CSPP1: variants seen among roughly 807,000 people sequenced by gnomAD.
CSPP1 encodes the protein centrosome and spindle pole associated protein 1.
Under a neutral mutation model 164.4 loss-of-function variants are expected in CSPP1, and 126 were observed. The ratio of observed to expected loss-of-function variants is 0.77; its 90% CI spans 0.66 to 0.89. CSPP1 has a LOEUF of 0.89. Ranked by LOEUF, CSPP1 falls within the 40% of genes least tolerant of loss-of-function variation. The pLI, the probability that CSPP1 is intolerant of heterozygous loss-of-function variation, is 0.00. For synonymous variants in CSPP1, 472 were observed against 476.7 expected, an observed-to-expected ratio of 0.99 and a Z score of 0.13; for missense variants, 1,395 against 1,449.8, an observed-to-expected ratio of 0.96 and a Z score of 0.61.
At chr8:67,185,112 A>AAC (rs1563782326) in intron 28 of CSPP1, among the ~76,000 whole-genome samples, 12 of 150,946 alleles carry the variant, frequency 7.9e-5, no homozygotes, top group African/African-American at 3.0e-4. Flanking sequence ...CTCAAAAAAA[A>AAC]AAAAACAAAA....
At chr8:67,184,744 T>TATAATAATAATA (rs377423199) in intron 28 of CSPP1, among the ~76,000 whole-genome samples, 4,990 of 142,470 alleles carry the variant, frequency 0.035, 109 homozygotes, top group African/African-American at 0.057. Flanking sequence ...AATAAAAAAA[T>TATAATAATAATA]ATAATAATAA....
At chr8:67,131,625 G>A (rs886106910) in intron 15 of CSPP1, among the ~76,000 whole-genome samples, 2 of 152,148 alleles carry the variant, frequency 1.3e-5, no homozygotes, top group Non-Finnish European at 2.9e-5. Context: ...GACTTTGGCT[G>A]TGTTATTATT....
At position 67,095,500 on chromosome 8, in the gene CSPP1, AT is replaced by A. The variant is rs1345606156; in HGVS notation, c.693del (p.Ile232LeufsTer13). 1 of 1,613,674 alleles carries A rather than the reference AT, an allele frequency of 6.2e-7. No individual in the cohort carries two copies. The highest frequency in any genetic ancestry group is 1.1e-5 in the South Asian group (1 of 91,062). ...DDEIELRNRR[I>X]IKKANEEVGI... ...TGAAATCGAATTAAGGAATAGAAGA[AT>A]TATTAAAAAAGCAAATGAAGAAGTG... On this transcript the variant is annotated frameshift_variant, in exon 7 of 31. Coordinates refer to ENST00000678616, the MANE Select transcript of CSPP1 (RefSeq NM_001382391.1). LOFTEE classifies it high-confidence loss of function.
chr8:67,128,183 T>C (rs1257398618), intron 15 of CSPP1, among the ~76,000 whole-genome samples: 1 of 152,132 alleles, frequency 6.6e-6, no homozygotes, highest in African/African-American at 2.4e-5. Flanking sequence ...ACAACCAAAA[T>C]AGAATTGGGA....
intron 2 of CSPP1, among the ~76,000 whole-genome samples, chr8:67,075,409 G>A (rs1807712670): frequency 6.6e-6 from 1 of 152,130 alleles, no homozygotes; most frequent in Non-Finnish European, 1.5e-5. Context: ...AGGTACCTTG[G>A]CTGAGATGAT....
At chr8:67,113,884 T>A (rs1035555166) in intron 11 of CSPP1, 22 bp downstream of exon 11, 20 of 1,458,512 alleles carry the variant, frequency 1.4e-5, no homozygotes, top group Non-Finnish European at 1.8e-5. Flanking sequence ...TGGCATCTTT[T>A]AATGTTTAAT....
chr8:67,149,886 A>G lies in CSPP1; in HGVS notation c.2079A>G (p.Leu693=), dbSNP rs765778504. 5 of 1,604,254 alleles carry G rather than the reference A, an allele frequency of 3.1e-6. No homozygotes were observed. Among genetic ancestry groups the G allele is most frequent in the Admixed American group, 1.7e-5 (1 of 58,670 alleles). The change falls in exon 18 of 31, where the codon TTA becomes TTG. Residue 693 remains leucine, a synonymous_variant. Coordinates refer to ENST00000678616, the MANE Select transcript of CSPP1 (RefSeq NM_001382391.1). ...KRAVVSLDPN[L]ATSNAENLED... is the part of the protein sequence containing the mutation. ...CTGTTGTATCTCTAGACCCAAATTTAGCCACTTCAAATGCTGAGAACCTAG... is the reference window on the plus strand; with the variant it reads ...CTGTTGTATCTCTAGACCCAAATTTGGCCACTTCAAATGCTGAGAACCTAG...
At chr8:67,107,775 T>A (rs775836169) in intron 9 of CSPP1, among the ~76,000 whole-genome samples, 3 of 152,178 alleles carry the variant, frequency 2.0e-5, no homozygotes. Context: ...GTGAGATCAT[T>A]GATTTAGTTT....
intron 15 of CSPP1, among the ~76,000 whole-genome samples, chr8:67,127,998 T>G (rs1174984812): frequency 6.6e-6 from 1 of 152,182 alleles, no homozygotes; most frequent in African/African-American, 2.4e-5. Context: ...TCCATTGACT[T>G]TATTAATTTA....
chr8:67,159,949 C>T (rs1448931402), intron 21 of CSPP1, among the ~76,000 whole-genome samples: 833 of 36,302 alleles, frequency 0.023, 18 homozygotes, highest in East Asian at 0.047. Context: ...TTCCTTCCTT[C>T]CTTCCTTCTT....
At chr8:67,113,953 A>G in intron 11 of CSPP1, 91 bp downstream of exon 11, 1 of 728,866 alleles carries the variant, frequency 1.4e-6, no homozygotes, top group Non-Finnish European at 2.4e-6. Context: ...ATTGGGAGAA[A>G]AAGAGAGTAG....
intron 17 of CSPP1, among the ~76,000 whole-genome samples, chr8:67,146,106 A>G (rs1237721773): frequency 1.3e-5 from 2 of 151,274 alleles, no homozygotes; most frequent in Non-Finnish European, 2.9e-5. Context: ...TCTGTTTTGT[A>G]AGAGAATATA....
rs1462180334 is a variant in CSPP1, at chr8:67,161,793, A to G, written c.2539-18A>G. 64 of 1,540,172 alleles carry G rather than the reference A, an allele frequency of 4.2e-5. No individual in the cohort carries two copies. The highest frequency in any genetic ancestry group is 5.3e-5 in the Non-Finnish European group (59 of 1,115,998). ...TGTGATGAAGCAAATATGCTCTTAA[A>G]TTTTTTAAATTTTTCAGCACATGAG... On this transcript the variant is annotated intron_variant, in intron 21 of 30. Transcript: ENST00000678616.
At chr8:67,179,433 G>C (rs898679042) in intron 27 of CSPP1, among the ~76,000 whole-genome samples, 3 of 152,172 alleles carry the variant, frequency 2.0e-5, no homozygotes, top group African/African-American at 7.2e-5. Flanking sequence ...GAAAGAAATA[G>C]TAAGTGGGCT....
intron 25 of CSPP1, chr8:67,174,550 C>T (rs1186620176): frequency 6.6e-6 from 1 of 151,606 alleles, no homozygotes; most frequent in Non-Finnish European, 1.5e-5. Flanking sequence ...ATCACGAGGT[C>T]AGGAGTTCAA....
chr8:67,065,973 A>G (rs182573684), intron 1 of CSPP1, among the ~76,000 whole-genome samples: 1 of 152,340 alleles, frequency 6.6e-6, no homozygotes, highest in East Asian at 1.9e-4. Context: ...ATTTGAGCAG[A>G]TTTCAGATTA....
At chr8:67,112,841 A>G (rs1289574392) in intron 10 of CSPP1, among the ~76,000 whole-genome samples, 1 of 152,190 alleles carries the variant, frequency 6.6e-6, no homozygotes, top group African/African-American at 2.4e-5. Flanking sequence ...GTAAATCACA[A>G]GTATTTATGT....
chr8:67,127,056 G>A (rs1411702717), intron 15 of CSPP1, among the ~76,000 whole-genome samples: 3 of 151,850 alleles, frequency 2.0e-5, no homozygotes, highest in East Asian at 1.9e-4. Flanking sequence ...TTTGGGCAGC[G>A]TTTGGATTTT....
intron 3 of CSPP1, among the ~76,000 whole-genome samples, chr8:67,083,086 AAAGT>A (rs1809545962): frequency 6.6e-6 from 1 of 152,216 alleles, no homozygotes; most frequent in Admixed American, 6.5e-5. Context: ...TAAGAATTAA[AAAGT>A]TAGTGTTTTC....
Sources: allele counts gnomAD v4.1 joint callset (sites outside exome capture counted in the v4.1 genomes callset), GRCh38; gene constraint gnomAD v4.1.1; transcripts MANE v1.5; gene names NCBI Gene and HGNC (gene_info 2026-07-23, HGNC 2026-07-21).